The following IQSEC1 variants were observed in gnomAD, a reference collection of about 807,000 sequenced individuals.
IQSEC1 encodes IQ motif and SEC7 domain-containing protein 1.
Under a neutral mutation model 91.0 loss-of-function variants are expected in IQSEC1, and 31 were observed. The ratio of observed to expected loss-of-function variants is 0.34; its 90% CI spans 0.26 to 0.46. IQSEC1 has a LOEUF of 0.46. Ranked by LOEUF, IQSEC1 falls within the 20% of genes least tolerant of loss-of-function variation. The pLI is 1.00. For missense variants in IQSEC1, 1,388 were observed against 1,575.6 expected (o/e 0.88, Z 2.02); for synonymous variants, 699 against 662.6 (o/e 1.05, Z -0.84).
Position 13,142,768 on chromosome 3 carries a change from T to C in IQSEC1, c.302+21336A>G, listed in dbSNP as rs187492518. 2.0e-5 allele frequency among the ~76,000 whole-genome samples: 3 copies of C among 152,360 alleles called. No homozygotes were observed. The East Asian group carries it at 5.8e-4, about 29-fold the overall frequency. ...AGCACATCCAGGCCCATTCATTTAC[T>C]TGCAGTCAAGGGCTGTTTTTAAACA... On this transcript the variant is annotated intron_variant, in intron 2 of 15. Coordinates refer to the IQSEC1 transcript ENST00000648114.
At chr3:13,206,527 T>C (rs1252522639) in intron 1 of IQSEC1, among the ~76,000 whole-genome samples, 1 of 152,234 alleles carries the variant, frequency 6.6e-6, no homozygotes, top group Non-Finnish European at 1.5e-5. Context: ...TAGGCACATA[T>C]GACCGTAAAA....
chr3:13,038,841 G>C (rs903957667), intron 1 of IQSEC1, among the ~76,000 whole-genome samples: 1 of 152,106 alleles, frequency 6.6e-6, no homozygotes, highest in Admixed American at 6.5e-5. Context: ...TTCACATTGC[G>C]TGCCTGTGTC....
At chr3:12,975,546 G>T (rs1356709565) in intron 1 of IQSEC1, among the ~76,000 whole-genome samples, 1 of 152,218 alleles carries the variant, frequency 6.6e-6, no homozygotes, top group Non-Finnish European at 1.5e-5. Flanking sequence ...GCTAGTGCCT[G>T]GCTGGATCAG....
At chr3:13,278,045 G>A (rs138130055) in intron 1 of IQSEC1, among the ~76,000 whole-genome samples, 118 of 152,298 alleles carry the variant, frequency 7.7e-4, no homozygotes, top group African/African-American at 2.6e-3. Context: ...CCTCTGAACT[G>A]ACGTGCCGCC....
intron 1 of IQSEC1, among the ~76,000 whole-genome samples, chr3:13,256,119 G>C (rs1219060942): frequency 6.6e-6 from 1 of 152,086 alleles, no homozygotes; most frequent in African/African-American, 2.4e-5. Context: ...AAATTAATAC[G>C]GGACTATTGA....
chr3:12,925,260 G>C (rs964841239), intron 3 of IQSEC1, among the ~76,000 whole-genome samples: 3 of 152,158 alleles, frequency 2.0e-5, no homozygotes, highest in Non-Finnish European at 4.4e-5. Context: ...AACCCTCCCC[G>C]CCTGCCAACG....
chr3:13,099,582 A>C (rs1407157527), intron 2 of IQSEC1, among the ~76,000 whole-genome samples: 1 of 152,130 alleles, frequency 6.6e-6, no homozygotes, highest in East Asian at 1.9e-4. Context: ...CGCAAGCCAG[A>C]GTGTGCAAGA....
chr3:13,263,278 A>G (rs536337600), intron 1 of IQSEC1, among the ~76,000 whole-genome samples: 8 of 151,332 alleles, frequency 5.3e-5, no homozygotes, highest in Non-Finnish European at 1.0e-4. Flanking sequence ...AAAACAAAAA[A>G]CCAATGTGAA....
chr3:12,907,670 C>G (rs1223114756), intron 12 of IQSEC1, among the ~76,000 whole-genome samples: 2 of 152,260 alleles, frequency 1.3e-5, no homozygotes, highest in African/African-American at 4.8e-5. Flanking sequence ...GCCCCTGAGC[C>G]TTGCTGCTCC....
At chr3:13,186,360 A>T (rs970167007) in intron 1 of IQSEC1, among the ~76,000 whole-genome samples, 1 of 152,158 alleles carries the variant, frequency 6.6e-6, no homozygotes, top group African/African-American at 2.4e-5. Flanking sequence ...ACAGTGACAG[A>T]ATTTGTATAA....
intron 2 of IQSEC1, among the ~76,000 whole-genome samples, chr3:13,158,542 C>T (rs752904733): frequency 9.9e-5 from 15 of 152,218 alleles, no homozygotes; most frequent in Non-Finnish European, 2.1e-4. Flanking sequence ...ATCTCCCCCA[C>T]CATCCCCAAA....
intron 1 of IQSEC1, among the ~76,000 whole-genome samples, chr3:13,199,494 C>A (rs1347047267): frequency 2.0e-5 from 3 of 152,184 alleles, no homozygotes; most frequent in African/African-American, 7.2e-5. Flanking sequence ...GCCTCAAATC[C>A]TCCCCACAGC....
chr3:12,925,702 G>A (rs1325724415), intron 3 of IQSEC1, among the ~76,000 whole-genome samples: 1 of 152,248 alleles, frequency 6.6e-6, no homozygotes, highest in African/African-American at 2.4e-5. Context: ...GGTGCCCAAG[G>A]TGTGTGCAGA....
intron 2 of IQSEC1, among the ~76,000 whole-genome samples, chr3:13,153,401 G>A (rs1310817107): frequency 6.6e-6 from 1 of 152,208 alleles, no homozygotes; most frequent in Non-Finnish European, 1.5e-5. Flanking sequence ...GAAGGTCCTG[G>A]AAGAGGAGAG....
intron 1 of IQSEC1, among the ~76,000 whole-genome samples, chr3:13,208,358 A>T (rs1375721658): frequency 6.6e-6 from 1 of 152,036 alleles, no homozygotes; most frequent in African/African-American, 2.4e-5. Context: ...CGTCTTCTCC[A>T]GCCCCAGATC....
At chr3:13,006,652 T>C (rs1435040763) in intron 1 of IQSEC1, among the ~76,000 whole-genome samples, 1 of 152,214 alleles carries the variant, frequency 6.6e-6, no homozygotes, top group Non-Finnish European at 1.5e-5. Flanking sequence ...AAAATCTAAC[T>C]GAAACACACG....
chr3:13,104,217 G>A (rs960742286), intron 2 of IQSEC1, among the ~76,000 whole-genome samples: 1 of 152,108 alleles, frequency 6.6e-6, no homozygotes, highest in African/African-American at 2.4e-5. Flanking sequence ...TGAATAAATG[G>A]TGACTTCTGC....
intron 2 of IQSEC1, among the ~76,000 whole-genome samples, chr3:13,133,031 G>A (rs1458070139): frequency 6.6e-6 from 1 of 152,166 alleles, no homozygotes; most frequent in East Asian, 1.9e-4. Flanking sequence ...CATCAACATC[G>A]ACATGGCCTG....
At chr3:12,961,246 C>T (rs532464075) in intron 1 of IQSEC1, among the ~76,000 whole-genome samples, 2 of 152,354 alleles carry the variant, frequency 1.3e-5, no homozygotes, top group South Asian at 2.1e-4. Context: ...AGACGCACCA[C>T]AGCTCTGCTC....
Sources: gnomAD v4.1 joint callset for allele counts (sites outside exome capture counted in the v4.1 genomes callset) on GRCh38, gnomAD v4.1.1 for gene constraint, MANE v1.5 for transcripts, NCBI Gene and HGNC (gene_info 2026-07-23, HGNC 2026-07-21) for gene names.